Variants in FAM13A observed in about 807,000 individuals in gnomAD.
The protein encoded by FAM13A is protein FAM13A.
FAM13A carries 76 observed loss-of-function variants against 129.6 expected under a neutral mutation model. That is an observed-to-expected ratio of 0.59 (90% CI 0.49 to 0.71). FAM13A has a LOEUF of 0.71. Among genes scored for constraint, FAM13A ranks in the 30% least tolerant of loss-of-function variants. FAM13A has a pLI of 0.00. For missense variants in FAM13A, 1,108 were observed against 1,249.3 expected, an observed-to-expected ratio of 0.89 and a Z score of 1.70; for synonymous variants, 443 against 449.9, an observed-to-expected ratio of 0.98 and a Z score of 0.20.
intron 5 of FAM13A, among the ~76,000 whole-genome samples, chr4:88,911,417 C>T (rs1030492252): frequency 2.6e-5 from 4 of 152,162 alleles, no homozygotes; most frequent in Admixed American, 1.3e-4. Context: ...ATACTTCTTG[C>T]GTAACTTGAT....
chr4:89,042,899 A>C (rs1770346947), intron 1 of FAM13A, among the ~76,000 whole-genome samples: 2 of 152,250 alleles, frequency 1.3e-5, no homozygotes, highest in South Asian at 4.1e-4. Flanking sequence ...CTATGTACTT[A>C]GTACTGTTGA....
intron 5 of FAM13A, among the ~76,000 whole-genome samples, chr4:88,935,599 CTTCT>C (rs1753722700): frequency 6.6e-6 from 1 of 152,004 alleles, no homozygotes; most frequent in Non-Finnish European, 1.5e-5. Context: ...TCTCATTTTT[CTTCT>C]TTTTCAGTAT....
intron 1 of FAM13A, among the ~76,000 whole-genome samples, chr4:89,038,854 G>A (rs573730090): frequency 6.6e-6 from 1 of 152,148 alleles, no homozygotes; most frequent in South Asian, 2.1e-4. Context: ...AAAGGTTGTT[G>A]GAGAATATGA....
intron 13 of FAM13A, among the ~76,000 whole-genome samples, chr4:88,764,868 A>G (rs1745443146): frequency 1.3e-5 from 2 of 152,236 alleles, no homozygotes; most frequent in Admixed American, 6.5e-5. Context: ...TCCAAACCAC[A>G]TAAGGAACTC....
At chr4:89,007,246 C>T (rs1765162489) in intron 3 of FAM13A, among the ~76,000 whole-genome samples, 1 of 152,160 alleles carries the variant, frequency 6.6e-6, no homozygotes, top group Admixed American at 6.5e-5. Flanking sequence ...TGACTTGCCC[C>T]TAACAAACAG....
At chr4:89,051,142 C>G (rs1345666911) in intron 1 of FAM13A, among the ~76,000 whole-genome samples, 5 of 152,126 alleles carry the variant, frequency 3.3e-5, no homozygotes, top group Non-Finnish European at 7.4e-5. Context: ...CAAAAAATAC[C>G]ATAAACTGGA....
At chr4:88,902,832 T>C (rs887530786) in intron 6 of FAM13A, among the ~76,000 whole-genome samples, 6 of 152,246 alleles carry the variant, frequency 3.9e-5, no homozygotes, top group Middle Eastern at 3.4e-3. Flanking sequence ...CCTGTTTTCA[T>C]ATGACATGAT....
chr4:88,757,031 T>A (rs556664490), intron 14 of FAM13A, among the ~76,000 whole-genome samples: 1 of 152,262 alleles, frequency 6.6e-6, no homozygotes, highest in African/African-American at 2.4e-5. Flanking sequence ...ATGCAACATA[T>A]TTTTTTCCAA....
chr4:88,908,034 G>A (rs772814938), intron 5 of FAM13A, among the ~76,000 whole-genome samples: 3 of 152,256 alleles, frequency 2.0e-5, no homozygotes, highest in Non-Finnish European at 4.4e-5. Context: ...GGGATTGGAA[G>A]CCTCTTCTAA....
chr4:88,806,539 G>C (rs1319150186), intron 7 of FAM13A, among the ~76,000 whole-genome samples: 1 of 152,170 alleles, frequency 6.6e-6, no homozygotes, highest in Non-Finnish European at 1.5e-5. Context: ...TAACATTTTA[G>C]AAGGAATATG....
Position 88,747,637 on chromosome 4 carries a change from G to A in FAM13A, c.2376C>T (p.Asp792=), listed in dbSNP as rs1560876964. The change falls in exon 18 of 24, where the codon GAC becomes GAT. Residue 792 remains aspartate, a synonymous_variant. Transcript: ENST00000264344. The part of the protein sequence containing the change: ...EKRAESSRPE[D]IKDMTKDQIA... ...CTTCACAGAATGATCGCACCTTAAT[G>A]TCCTCAGGGCGGCTGCTTTCCGCTC... is the stretch of plus-strand genomic sequence containing the variant. The A allele has an allele frequency of 9.9e-6, 16 of 1,613,856 alleles. No individual in the cohort carries two copies. The highest frequency in any genetic ancestry group is 1.4e-5 in the Non-Finnish European group (16 of 1,179,766).
At chr4:88,750,020 T>C (rs2278876) in intron 15 of FAM13A, 111 bp from the exon 16 acceptor site, 380,445 of 1,113,620 alleles carry the variant, frequency 0.34, 74,660 homozygotes, top group African/African-American at 0.74. Flanking sequence ...GTGGGGGCAG[T>C]GCGGAGACAA....
At chr4:88,775,785 C>T (rs986974100) in intron 11 of FAM13A, among the ~76,000 whole-genome samples, 30 of 152,190 alleles carry the variant, frequency 2.0e-4, no homozygotes, top group African/African-American at 7.0e-4. Flanking sequence ...AAGAGATTGG[C>T]CATCAGAGCA....
intron 4 of FAM13A, among the ~76,000 whole-genome samples, chr4:88,947,481 T>C (rs1325352861): frequency 6.6e-6 from 1 of 152,136 alleles, no homozygotes; most frequent in African/African-American, 2.4e-5. Context: ...AACCAAGTTG[T>C]TACCGGACTG....
At chr4:88,960,708 T>G (rs1758483488) in intron 4 of FAM13A, among the ~76,000 whole-genome samples, 1 of 151,890 alleles carries the variant, frequency 6.6e-6, no homozygotes, top group Non-Finnish European at 1.5e-5. Flanking sequence ...AACCCAAATG[T>G]AGGGCTTCCT....
intron 7 of FAM13A, among the ~76,000 whole-genome samples, chr4:88,848,246 G>A (rs188212656): frequency 7.2e-5 from 11 of 152,208 alleles, no homozygotes; most frequent in Non-Finnish European, 1.3e-4. Context: ...GTTCACATAA[G>A]CTATAATGTG....
At chr4:88,940,366 C>A (rs923300505) in intron 4 of FAM13A, among the ~76,000 whole-genome samples, 3 of 152,114 alleles carry the variant, frequency 2.0e-5, no homozygotes, top group Admixed American at 6.5e-5. Context: ...AAATTGTATC[C>A]TATAGTTACT....
intron 4 of FAM13A, among the ~76,000 whole-genome samples, chr4:88,972,299 C>CTTTT (rs57674045): frequency 2.9e-5 from 4 of 137,650 alleles, no homozygotes; most frequent in Non-Finnish European, 4.7e-5. Flanking sequence ...TTCTCCTTCA[C>CTTTT]TTTTTTTTTT....
At chr4:88,900,241 G>A (rs1747066114) in intron 6 of FAM13A, among the ~76,000 whole-genome samples, 1 of 152,056 alleles carries the variant, frequency 6.6e-6, no homozygotes, top group Non-Finnish European at 1.5e-5. Context: ...TCATCCAGGA[G>A]AACTTCCCCA....
Sources: gnomAD v4.1 joint callset for allele counts (sites outside exome capture counted in the v4.1 genomes callset) on GRCh38, gnomAD v4.1.1 for gene constraint, MANE v1.5 for transcripts, NCBI Gene and HGNC (gene_info 2026-07-23, HGNC 2026-07-21) for gene names.